The following DUSP29 variants were observed in gnomAD, a reference collection of about 807,000 sequenced individuals.
DUSP29 encodes dual specificity phosphatase 29, also known as atypical dual-specific protein phosphatase.
In DUSP29, 12 loss-of-function variants were observed where a neutral mutation model predicts 13.5. That is an observed-to-expected ratio of 0.89 (90% CI 0.57 to 1.44). The LOEUF (loss-of-function observed/expected upper bound fraction) is 1.44. DUSP29 is among the 40% of genes most tolerant of loss of function. The pLI is 0.00. For synonymous variants in DUSP29, 134 were observed against 128.7 expected (o/e 1.04, Z -0.28); for missense variants, 308 against 301.1 (o/e 1.02, Z -0.17).
intron 2 of DUSP29, among the ~76,000 whole-genome samples, chr10:75,049,173 C>G (rs1846770401): frequency 1.3e-5 from 2 of 149,456 alleles, no homozygotes; most frequent in African/African-American, 2.6e-5. Context: ...ATGAACGAGT[C>G]ATATATTCAT....
chr10:75,055,112 G>C lies in DUSP29; in HGVS notation c.200+3203C>G, dbSNP rs147202321. ...CCACCTTGGCCTCCCAAAGTTACAG[G>C]GTTACAGGGGTGAGCCATCATGCCC... On this transcript the variant is annotated intron_variant, in intron 2 of 3. Transcript: ENST00000338487. Among the ~76,000 whole-genome samples, 266 of 152,190 alleles carry C rather than the reference G, an allele frequency of 1.7e-3. 1 individual carries two copies. Among genetic ancestry groups the C allele is most frequent in the South Asian group, 7.7e-3 (37 of 4,816 alleles).
chr10:75,057,557 C>T (rs1249624008), intron 2 of DUSP29, among the ~76,000 whole-genome samples: 1 of 152,138 alleles, frequency 6.6e-6, no homozygotes, highest in Non-Finnish European at 1.5e-5. Context: ...ACTGGGTTAT[C>T]AGGAGAGTAA....
intron 3 of DUSP29, 134 bp downstream of exon 3, chr10:75,043,663 T>G (rs558137896): frequency 1.1e-6 from 1 of 872,854 alleles, no homozygotes; most frequent in South Asian, 1.8e-5. Context: ...GGGGAAACCT[T>G]GGGCTAAGGG....
At chr10:75,061,566 C>T (rs941752043) in intron 1 of DUSP29, among the ~76,000 whole-genome samples, 9 of 152,178 alleles carry the variant, frequency 5.9e-5, no homozygotes, top group African/African-American at 1.7e-4. Context: ...GTGAGTCTGA[C>T]GCTTAGTAAA....
intron 1 of DUSP29, among the ~76,000 whole-genome samples, chr10:75,059,092 G>A (rs1455465118): frequency 6.6e-6 from 1 of 152,194 alleles, no homozygotes; most frequent in Admixed American, 6.5e-5. Context: ...AGCCTTGAGA[G>A]GGGAGGAAAC....
chr10:75,039,302 C>A (rs746212515), intron 3 of DUSP29, among the ~76,000 whole-genome samples: 7 of 152,170 alleles, frequency 4.6e-5, no homozygotes, highest in Non-Finnish European at 1.0e-4. Flanking sequence ...CACATACAGT[C>A]AGAGCACCTG....
At chr10:75,041,927 C>T (rs961774302) in intron 3 of DUSP29, among the ~76,000 whole-genome samples, 1 of 152,304 alleles carries the variant, frequency 6.6e-6, no homozygotes, top group Admixed American at 6.5e-5. Flanking sequence ...TGGGGGCAGA[C>T]CCTAAAATTG....
At chr10:75,047,062 A>C (rs777726901) in intron 2 of DUSP29, among the ~76,000 whole-genome samples, 1 of 152,196 alleles carries the variant, frequency 6.6e-6, no homozygotes. Context: ...TGACACCTCC[A>C]TATCCACCAC....
chr10:75,047,002 A>G (rs1564640535), intron 2 of DUSP29, among the ~76,000 whole-genome samples: 2 of 152,198 alleles, frequency 1.3e-5, no homozygotes, highest in Admixed American at 6.5e-5. Flanking sequence ...AACAGTTTGC[A>G]CTTTGCCACT....
At chr10:75,045,512 G>T (rs1846687976) in intron 2 of DUSP29, among the ~76,000 whole-genome samples, 1 of 152,246 alleles carries the variant, frequency 6.6e-6, no homozygotes, top group African/African-American at 2.4e-5. Flanking sequence ...AATGACTGTG[G>T]TCCTGCTTCA....
Position 75,042,838 on chromosome 10 carries a change from G to A in DUSP29, c.421+959C>T, listed in dbSNP as rs183279624. On this transcript the variant is annotated intron_variant, in intron 3 of 3. Coordinates refer to ENST00000338487, the MANE Select transcript of DUSP29 (RefSeq NM_001003892.3). ...AGTAACCAGATACCCTGAATTATGT[G>A]ATGGCTCCACAAAGGGGTGTGTGAC... 1.1e-3 allele frequency among the ~76,000 whole-genome samples: 163 copies of A among 152,370 alleles called. 2 individuals are homozygous for A. The highest frequency in any genetic ancestry group is 3.6e-3 in the African/African-American group (151 of 41,596).
intron 1 of DUSP29, among the ~76,000 whole-genome samples, chr10:75,063,381 A>G (rs1207320430): frequency 6.6e-6 from 1 of 152,022 alleles, no homozygotes; most frequent in African/African-American, 2.4e-5. Flanking sequence ...AGTTCTTTAT[A>G]TACATAAAAG....
chr10:75,058,576 G>A (rs995261380), intron 1 of DUSP29, 28 bp from the exon 2 acceptor site: 16 of 1,569,774 alleles, frequency 1.0e-5, no homozygotes, highest in Non-Finnish European at 1.3e-5. Context: ...GCAGGATGGG[G>A]GTTAGCAGGG....
chr10:75,056,484 C>T (rs1358135446), intron 2 of DUSP29, among the ~76,000 whole-genome samples: 1 of 148,942 alleles, frequency 6.7e-6, no homozygotes, highest in African/African-American at 2.5e-5. Context: ...GCCGAGATTG[C>T]GCCATTGAGG....
intron 1 of DUSP29, among the ~76,000 whole-genome samples, chr10:75,061,253 C>T (rs532342010): frequency 2.0e-5 from 3 of 152,178 alleles, no homozygotes; most frequent in African/African-American, 7.2e-5. Context: ...GGGTTGAGAC[C>T]ACTGCTTTGG....
chr10:75,057,861 G>A (rs1020112436), intron 2 of DUSP29, among the ~76,000 whole-genome samples: 1 of 152,180 alleles, frequency 6.6e-6, no homozygotes, highest in Non-Finnish European at 1.5e-5. Flanking sequence ...CTCCCTTGCA[G>A]CTAGGGGCAG....
chr10:75,044,845 G>A (rs1846670395), intron 2 of DUSP29, among the ~76,000 whole-genome samples: 1 of 152,140 alleles, frequency 6.6e-6, no homozygotes, highest in African/African-American at 2.4e-5. Context: ...GCAGGGAGAG[G>A]CCTGTGTCAC....
chr10:75,061,346 C>A (rs1847084414), intron 1 of DUSP29, among the ~76,000 whole-genome samples: 1 of 152,108 alleles, frequency 6.6e-6, no homozygotes, highest in African/African-American at 2.4e-5. Flanking sequence ...TTGTGGGAAG[C>A]CAGGGTTTGT....
intron 2 of DUSP29, 74 bp from the exon 3 acceptor site, chr10:75,044,091 C>A: frequency 7.2e-7 from 1 of 1,395,604 alleles, no homozygotes. Context: ...GGGCCACCCA[C>A]GCTTTCCGCT....
Sources: allele counts gnomAD v4.1 joint callset (sites outside exome capture counted in the v4.1 genomes callset), GRCh38; gene constraint gnomAD v4.1.1; transcripts MANE v1.5; gene names NCBI Gene and HGNC (gene_info 2026-07-23, HGNC 2026-07-21).